Variants in NMD3 observed in about 807,000 individuals in gnomAD.
NMD3 encodes NMD3 ribosome export adaptor.
A neutral mutation model predicts 73.1 loss-of-function variants in NMD3; 47 were observed. The observed-to-expected ratio is 0.64, with a 90% CI of 0.51 to 0.82. NMD3 has a LOEUF of 0.82. Ranked by LOEUF, NMD3 falls within the 40% of genes least tolerant of loss-of-function variation. The pLI is 0.00. For missense variants in NMD3, 554 were observed against 612.5 expected (o/e 0.90, Z 1.01); for synonymous variants, 210 against 194.5 (o/e 1.08, Z -0.66).
Position 161,237,691 on chromosome 3 carries a change from C to A in NMD3, c.578-422C>A, listed in dbSNP as rs144125133. ...AGTAGCTGAGATTTGGCACATGCCA[C>A]CACGTCCGGCTAATTTTTTGTATTT... On this transcript the variant is annotated intron_variant, in intron 7 of 15. Coordinates refer to ENST00000351193, the MANE Select transcript of NMD3 (RefSeq NM_015938.5). Among the ~76,000 whole-genome samples the A allele has an allele frequency of 5.4e-4, 82 of 152,116 alleles. 1 individual carries two copies. The East Asian group carries it at 0.01, about 19-fold the overall frequency.
At chr3:161,226,895 C>T (rs1018603468) in intron 3 of NMD3, among the ~76,000 whole-genome samples, 8 of 152,054 alleles carry the variant, frequency 5.3e-5, no homozygotes, top group Non-Finnish European at 1.2e-4. Context: ...TTTAGAAGTA[C>T]ATAATAAACC....
At chr3:161,233,661 T>C (rs1736628071) in intron 5 of NMD3, among the ~76,000 whole-genome samples, 182 bp downstream of exon 5, 1 of 152,236 alleles carries the variant, frequency 6.6e-6, no homozygotes, top group Non-Finnish European at 1.5e-5. Context: ...TAGTCATTGC[T>C]TCTGATTAGC....
intron 13 of NMD3, 137 bp from the exon 14 acceptor site, chr3:161,249,317 C>G: frequency 1.9e-6 from 1 of 516,410 alleles, no homozygotes; most frequent in Non-Finnish European, 3.5e-6. Context: ...CCTCTTGACA[C>G]TGTCTCTCCA....
At chr3:161,237,196 T>G (rs1226020719) in intron 7 of NMD3, among the ~76,000 whole-genome samples, 1 of 152,202 alleles carries the variant, frequency 6.6e-6, no homozygotes, top group Non-Finnish European at 1.5e-5. Flanking sequence ...TAGGATTTAT[T>G]GAAATTCTTT....
In NMD3 at chr3:161,222,000, A is replaced by T; in HGVS notation, c.-14A>T. On this transcript the variant is annotated 5_prime_UTR_variant, in exon 2 of 16. It adds an upstream start codon to the 5' untranslated region. Coordinates refer to ENST00000351193, the MANE Select transcript of NMD3 (RefSeq NM_015938.5). ...TTTTTTTTTTTTTTAAAAGAACTTAAGGCATACAGAACGATGGAGTATATG... is the reference window on the plus strand; with the variant it reads ...TTTTTTTTTTTTTTAAAAGAACTTATGGCATACAGAACGATGGAGTATATG... 7.6e-7 allele frequency: 1 copy of T among 1,309,082 alleles called. No individual in the cohort carries two copies. The highest frequency in any genetic ancestry group is 1.1e-6 in the Non-Finnish European group (1 of 936,274). The allele number at this position is 1,309,082 out of a possible 1,614,324, so 81.1% of individuals were successfully genotyped here. A position where few individuals can be genotyped will look rare whatever the true frequency, so the allele number is the denominator to read the frequency against.
Position 161,234,796 on chromosome 3 carries a change from G to A in NMD3, c.427G>A (p.Asp143Asn), listed in dbSNP as rs1736683288. 1 of 1,613,372 alleles carries A rather than the reference G, an allele frequency of 6.2e-7. No individual in the cohort carries two copies. Among genetic ancestry groups the A allele is most frequent in the South Asian group, 1.1e-5 (1 of 91,060 alleles). Residue 143 changes from aspartate to asparagine, a missense_variant, in exon 6 of 16, where the codon GAT becomes AAT. By Grantham distance (23) the Asp-to-Asn change is conservative. Coordinates refer to ENST00000351193, the MANE Select transcript of NMD3 (RefSeq NM_015938.5). ...DYVVQSQMCG[D>N]CHRVEAKDFW... Reference sequence around the variant, plus strand: ...TGTTGTTCAGTCCCAAATGTGTGGAGATTGCCATAGAGTAGAAGCTAAGGA... The same window carrying A: ...TGTTGTTCAGTCCCAAATGTGTGGAAATTGCCATAGAGTAGAAGCTAAGGA...
intron 7 of NMD3, among the ~76,000 whole-genome samples, chr3:161,237,052 T>C (rs1482357274): frequency 6.6e-6 from 1 of 152,216 alleles, no homozygotes; most frequent in Non-Finnish European, 1.5e-5. Context: ...GTTTTGGTAA[T>C]TATATTTAGT....
At chr3:161,234,439 T>TTATATA (rs59829615) in intron 5 of NMD3, among the ~76,000 whole-genome samples, 6,135 of 145,440 alleles carry the variant, frequency 0.042, 383 homozygotes, top group African/African-American at 0.14. Flanking sequence ...TCAAAAAAAA[T>TTATATA]TATATATATA....
At chr3:161,247,808 T>TGG (rs1390696175) in intron 13 of NMD3, among the ~76,000 whole-genome samples, 1 of 143,906 alleles carries the variant, frequency 6.9e-6, no homozygotes, top group Admixed American at 6.9e-5. Flanking sequence ...AAAAAAGAAA[T>TGG]GGGAGTCTTG....
At chr3:161,222,171 A>G in intron 2 of NMD3, 114 bp downstream of exon 2, 1 of 803,264 alleles carries the variant, frequency 1.2e-6, no homozygotes, top group East Asian at 2.4e-5. Context: ...ATTGTCATAA[A>G]TGGGAAAAAA....
chr3:161,251,018 T>C lies in NMD3; in HGVS notation c.*108T>C. On this transcript the variant is annotated 3_prime_UTR_variant, in exon 16 of 16. Transcript: ENST00000351193. ...AGATTTCAAGAGGAGAAATTTAGTTTTAAACCTGAATAAACATGTTTGTTT... is the reference window on the plus strand; with the variant it reads ...AGATTTCAAGAGGAGAAATTTAGTTCTAAACCTGAATAAACATGTTTGTTT... 1 of 828,632 alleles carries C rather than the reference T, an allele frequency of 1.2e-6. No individual in the cohort carries two copies. Among genetic ancestry groups the C allele is most frequent in the East Asian group, 2.6e-5 (1 of 38,114 alleles). 51.3% of individuals were successfully genotyped at this position (828,632 alleles called of 1,614,324 possible).
At position 161,250,372 on chromosome 3, in the gene NMD3, A is replaced by G. The variant is rs145236107; in HGVS notation, c.1381+46A>G. ...TAAGTCATTTGTTCTGTATATAAGT[A>G]TAGTTCCTAGTATGAATATTTTGGT... is the stretch of plus-strand genomic sequence containing the variant. On this transcript the variant is annotated intron_variant, in intron 15 of 15. Coordinates refer to ENST00000351193, the MANE Select transcript of NMD3 (RefSeq NM_015938.5). The G allele has an allele frequency of 5.5e-4, 612 of 1,107,964 alleles. 1 individual carries two copies. In the Middle Eastern group the frequency reaches 8.0e-3, roughly 14 times the overall value. The allele number at this position is 1,107,964 out of a possible 1,614,324, so 68.6% of individuals were successfully genotyped here. A position where few individuals can be genotyped will look rare whatever the true frequency, so the allele number is the denominator to read the frequency against.
intron 2 of NMD3, among the ~76,000 whole-genome samples, chr3:161,224,284 G>A (rs1736221359): frequency 6.6e-6 from 1 of 152,126 alleles, no homozygotes; most frequent in Non-Finnish European, 1.5e-5. Flanking sequence ...GCCACATGTG[G>A]CTAGTGGCTA....
intron 14 of NMD3, chr3:161,249,789 A>G (rs1411927889): frequency 1.9e-6 from 1 of 533,320 alleles, no homozygotes; most frequent in Non-Finnish European, 3.3e-6. Flanking sequence ...GTGTTAATGT[A>G]AACAATTCAT....
intron 7 of NMD3, among the ~76,000 whole-genome samples, chr3:161,236,283 T>C (rs1736755456): frequency 6.6e-6 from 1 of 152,140 alleles, no homozygotes; most frequent in Admixed American, 6.5e-5. Flanking sequence ...ACCAAACTGC[T>C]TCAAAGTGGC....
intron 4 of NMD3, among the ~76,000 whole-genome samples, chr3:161,229,513 G>A (rs746619704): frequency 1.4e-4 from 22 of 152,170 alleles, no homozygotes; most frequent in Non-Finnish European, 2.8e-4. Context: ...GAGTTCATCT[G>A]TAACTGGTAT....
chr3:161,240,526 A>ATTTTTTTTTTTTTTTT lies in NMD3; in HGVS notation c.754-519_754-504dup, dbSNP rs539406360. On this transcript the variant is annotated intron_variant, in intron 9 of 15. Transcript: ENST00000351193. ...AATAGCTTGGTGATTTGGGCCCTGG[A>ATTTTTTTTTTTTTTTT]TTTTTTTTTTTTTTTTGAGAGACAG... Among the ~76,000 whole-genome samples, 11 of 111,694 alleles carry ATTTTTTTTTTTTTTTT rather than the reference A, an allele frequency of 9.8e-5. 1 individual carries two copies. The highest frequency in any genetic ancestry group is 3.8e-4 in the African/African-American group (10 of 26,384). 73.3% of individuals were successfully genotyped at this position (111,694 alleles called of 152,430 possible).
chr3:161,250,839 G>C lies in NMD3; in HGVS notation c.1441G>C (p.Ala481Pro). 6.2e-7 allele frequency: 1 copy of C among 1,611,878 alleles called. No individual in the cohort carries two copies. Among genetic ancestry groups the C allele is most frequent in the Non-Finnish European group, 8.5e-7 (1 of 1,178,180 alleles). The change falls in exon 16 of 16, where the codon GCT (alanine) becomes CCT (proline). Residue 481 changes from alanine to proline, a missense_variant. Ala to Pro is a conservative substitution (Grantham distance 27). Transcript: ENST00000351193. Reference protein sequence around the residue: ...DDEGAPRISLAEMLEDLHISQ... With the variant: ...DDEGAPRISLPEMLEDLHISQ... ...TGAAGGAGCACCTCGAATTAGTCTG[G>C]CTGAGATGCTTGAAGACCTTCATAT...
intron 4 of NMD3, among the ~76,000 whole-genome samples, chr3:161,233,112 AC>A (rs1407192798): frequency 3.5e-5 from 3 of 86,828 alleles, no homozygotes; most frequent in African/African-American, 2.2e-4. Context: ...AGGACAATGT[AC>A]TTTTTTTTTT....
Sources: allele counts gnomAD v4.1 joint callset (sites outside exome capture counted in the v4.1 genomes callset), GRCh38; gene constraint gnomAD v4.1.1; transcripts MANE v1.5; gene names NCBI Gene and HGNC (gene_info 2026-07-23, HGNC 2026-07-21).